TSC2: variants seen among roughly 807,000 people sequenced by gnomAD.
TSC2 encodes the protein tuberin.
TSC2 carries 29 observed loss-of-function variants against 202.2 expected under a neutral mutation model. That is an observed-to-expected ratio of 0.14 (90% CI 0.11 to 0.20). The LOEUF (loss-of-function observed/expected upper bound fraction) is 0.20, where lower values mean the gene tolerates loss of function less well. TSC2 is among the 10% of genes least tolerant of loss of function. The pLI is 1.00. For missense variants in TSC2, 2,429 were observed against 2,420.0 expected, an observed-to-expected ratio of 1.00 and a Z score of -0.08; for synonymous variants, 1,349 against 1,044.0, an observed-to-expected ratio of 1.29 and a Z score of -5.63.
chr16:2,059,108 T>A (rs1276606712), intron 10 of TSC2, among the ~76,000 whole-genome samples: 4 of 150,450 alleles, frequency 2.7e-5, no homozygotes, highest in Non-Finnish European at 5.9e-5. Context: ...AATCTCCGCC[T>A]CCCGGATTCA....
At position 2,088,445 on chromosome 16, in the gene TSC2, G is replaced by C. The variant is rs1057518103; in HGVS notation, c.5260-1G>C. ...ACTGCCCAAGCCGCCTCTGCCTTCA[G>C]ATCTGCGAGGAAGCCGCCTACTCCA... is the stretch of plus-strand genomic sequence containing the variant. On this transcript the variant is annotated splice_acceptor_variant, in intron 41 of 41. Coordinates refer to ENST00000219476, the MANE Select transcript of TSC2 (RefSeq NM_000548.5). LOFTEE classifies it high-confidence loss of function. 4 of 1,612,676 alleles carry C rather than the reference G, an allele frequency of 2.5e-6. No homozygotes were observed. The highest frequency in any genetic ancestry group is 2.7e-5 in the African/African-American group (2 of 74,914).
chr16:2,061,752 C>T, intron 11 of TSC2, 119 bp from the exon 12 acceptor site: 1 of 1,555,598 alleles, frequency 6.4e-7, no homozygotes, highest in Non-Finnish European at 8.8e-7. Context: ...CCCATGCGGC[C>T]CAGAGCGGCC....
chr16:2,060,572 C>G (rs1214014670), intron 10 of TSC2, 98 bp from the exon 11 acceptor site: 1 of 1,599,822 alleles, frequency 6.3e-7, no homozygotes, highest in East Asian at 2.2e-5. Context: ...GCACTGCGCG[C>G]TCAGGCGTGC....
At chr16:2,056,943 C>A in intron 8 of TSC2, 162 bp from the exon 9 acceptor site, 1 of 1,378,102 alleles carries the variant, frequency 7.3e-7, no homozygotes, top group Non-Finnish European at 1.0e-6. Context: ...GTTTTGGTGG[C>A]ATTTTGAGAA....
At position 2,050,437 on chromosome 16, in the gene TSC2, G is replaced by A. The variant is rs1161261925; in HGVS notation, c.176G>A (p.Arg59Gln). 9 of 1,613,786 alleles carry A rather than the reference G, an allele frequency of 5.6e-6. No homozygotes were observed. Among genetic ancestry groups the A allele is most frequent in the Non-Finnish European group, 7.6e-6 (9 of 1,179,916 alleles). ...GAATGTGGCCTCAACAATCGCATCC[G>A]GATGATAGGGCAGATTTGTGAAGTC... ...SMECGLNNRI[R>Q]MIGQICEVAK... The change falls in exon 3 of 42, where the codon CGG becomes CAG. Residue 59 changes from arginine (R) to glutamine (Q), a missense_variant. Arg to Gln is a conservative substitution (Grantham distance 43, BLOSUM62 1). Transcript: ENST00000219476.
chr16:2,077,551 G>A lies in TSC2; in HGVS notation c.2838-47G>A. On this transcript the variant is annotated intron_variant, in intron 25 of 41. Coordinates refer to ENST00000219476, the MANE Select transcript of TSC2 (RefSeq NM_000548.5). ...TCCACTGGCTTGTTCTCCCCTTCCCGGGAGCTGGGCTCTCTGGGGCGTTGG... is the reference window on the plus strand; with the variant it reads ...TCCACTGGCTTGTTCTCCCCTTCCCAGGAGCTGGGCTCTCTGGGGCGTTGG... 3.1e-6 allele frequency: 5 copies of A among 1,610,108 alleles called. No individual in the cohort carries two copies. Among genetic ancestry groups the A allele is most frequent in the Admixed American group, 1.7e-5 (1 of 59,998 alleles).
rs1596341896 is a variant in TSC2 at position 2,071,491 on chromosome 16, A to C, written c.1840-19A>C. The C allele has an allele frequency of 6.2e-7, 1 of 1,612,926 alleles. No individual in the cohort carries two copies. Among genetic ancestry groups the C allele is most frequent in the Non-Finnish European group, 8.5e-7 (1 of 1,179,802 alleles). ...CTGCACGAGCTTGGCTCTGGCTTTC[A>C]CCATCCTCTTCCTGACAGGCCTTTG... On this transcript the variant is annotated intron_variant, in intron 17 of 41. Transcript: ENST00000219476.
In TSC2 at chr16:2,056,633, C is replaced by T. The variant is rs1254475243; in HGVS notation, c.649-11C>T. 6.2e-6 allele frequency: 10 copies of T among 1,608,904 alleles called. No homozygotes were observed. The highest frequency in any genetic ancestry group is 8.5e-6 in the Non-Finnish European group (10 of 1,179,942). Reference sequence around the variant, plus strand: ...GGTAGGACGGGCGTGAGCCGTCTCCCTCTCCACCAGGTCTCCCTGCAGGTG... The same window carrying T: ...GGTAGGACGGGCGTGAGCCGTCTCCTTCTCCACCAGGTCTCCCTGCAGGTG... On this transcript the variant is annotated splice_polypyrimidine_tract_variant and intron_variant, in intron 7 of 41. Coordinates refer to ENST00000219476, the MANE Select transcript of TSC2 (RefSeq NM_000548.5).
chr16:2,069,325 C>CT (rs1292370226), intron 16 of TSC2, among the ~76,000 whole-genome samples: 14 of 151,328 alleles, frequency 9.3e-5, no homozygotes, highest in South Asian at 2.1e-4. Context: ...ATTTAATCAT[C>CT]TTTTTTTTTG....
chr16:2,083,589 AGG>A (rs1201604176), intron 32 of TSC2, 104 bp from the exon 33 acceptor site: 49 of 1,531,000 alleles, frequency 3.2e-5, no homozygotes, highest in Non-Finnish European at 4.0e-5. Flanking sequence ...GGAGGCTCGC[AGG>A]GCTGCTGTCC....
chr16:2,064,119 C>T (rs113229146), intron 14 of TSC2, 153 bp from the exon 15 acceptor site: 35 of 1,264,796 alleles, frequency 2.8e-5, no homozygotes, highest in South Asian at 1.1e-4. Flanking sequence ...CTCTGAGTCG[C>T]GCTCAGCGGG....
At chr16:2,085,419 T>A in intron 36 of TSC2, 97 bp downstream of exon 36, 1 of 1,307,138 alleles carries the variant, frequency 7.7e-7, no homozygotes, top group Non-Finnish European at 1.1e-6. Flanking sequence ...CCCACAGAGC[T>A]CAACACTGCC....
chr16:2,072,074 G>A (rs894983705), intron 19 of TSC2, 140 bp downstream of exon 19: 77 of 1,485,308 alleles, frequency 5.2e-5, no homozygotes, highest in East Asian at 7.3e-5. Flanking sequence ...CCCCTTCCCC[G>A]AGCAGCTGCA....
At chr16:2,070,662 C>T (rs2088171155) in intron 17 of TSC2, 84 bp downstream of exon 17, 3 of 1,596,508 alleles carry the variant, frequency 1.9e-6, no homozygotes, top group South Asian at 1.1e-5. Flanking sequence ...CTGGAAGCTG[C>T]AGAGACGGCC....
chr16:2,082,492 G>A lies in TSC2; in HGVS notation c.3871G>A (p.Val1291Ile), dbSNP rs201135184. ...CTGCCAAGGACAGCTGCACAGGAGC[G>A]TTTCCTGGGCAGGTATCGCCTCTCA... ...SSCQGQLHRS[V>I]SWADSAVVME... Residue 1291 changes from valine to isoleucine, a missense_variant, in exon 32 of 42, where the codon GTT (valine) becomes ATT (isoleucine). Transcript: ENST00000219476. 44 of 1,611,954 alleles carry A rather than the reference G, an allele frequency of 2.7e-5. No homozygotes were observed. The highest frequency in any genetic ancestry group is 6.7e-5 in the East Asian group (3 of 44,878).
Position 2,072,874 on chromosome 16 carries a change from G to A in TSC2, c.2246G>A (p.Arg749Gln), listed in dbSNP as rs766442736. The A allele has an allele frequency of 9.3e-6, 15 of 1,613,454 alleles. No homozygotes were observed. Among genetic ancestry groups the A allele is most frequent in the Admixed American group, 5.0e-5 (3 of 59,996 alleles). ...SMLSGPKTLE[R>Q]LRGAPEGFSR... The stretch of plus-strand genomic sequence containing the variant: ...CTTTCAGGCCCAAAGACACTGGAGC[G>A]GCTCCGAGGCGCCCCAGAAGGCTTC... Residue 749 changes from arginine (R) to glutamine (Q), a missense_variant, in exon 21 of 42, where the codon CGG (arginine) becomes CAG (glutamine). Transcript: ENST00000219476.
chr16:2,057,285 T>C (rs1028418920), intron 9 of TSC2, 107 bp downstream of exon 9: 78 of 1,359,382 alleles, frequency 5.7e-5, no homozygotes, highest in African/African-American at 7.2e-5. Flanking sequence ...CCTTGTCCTC[T>C]CGGGCAGCTG....
Position 2,084,251 on chromosome 16 carries a change from G to A in TSC2, c.4029G>A (p.Glu1343=), listed in dbSNP as rs752502287. Residue 1343 remains glutamate, a synonymous_variant, in exon 34 of 42, where the codon GAG becomes GAA. Coordinates refer to ENST00000219476, the MANE Select transcript of TSC2 (RefSeq NM_000548.5). ...YSRSSSVSSQ[E]EKSLHAEELV... ...AGTCGTCCTCAGTCTCCAGCCAGGA[G>A]GAGAAGTCGCTCCACGCGGAGGAGC... 3 of 1,602,400 alleles carry A rather than the reference G, an allele frequency of 1.9e-6. No individual in the cohort carries two copies. Among genetic ancestry groups the A allele is most frequent in the Non-Finnish European group, 2.6e-6 (3 of 1,174,580 alleles).
chr16:2,085,440 C>A, intron 36 of TSC2, 118 bp downstream of exon 36: 1 of 1,085,112 alleles, frequency 9.2e-7, no homozygotes, highest in Non-Finnish European at 1.4e-6. Context: ...GGGTCCCCTA[C>A]AGCATGAAGT....
Sources: gnomAD v4.1 joint callset for allele counts (sites outside exome capture counted in the v4.1 genomes callset) on GRCh38, gnomAD v4.1.1 for gene constraint, MANE v1.5 for transcripts, NCBI Gene and HGNC (gene_info 2026-07-23, HGNC 2026-07-21) for gene names.